Variants in ABL1 observed in about 807,000 individuals in gnomAD.
The protein encoded by ABL1 is tyrosine-protein kinase ABL1.
A neutral mutation model predicts 94.7 loss-of-function variants in ABL1; 11 were observed. That is an observed-to-expected ratio of 0.12 (90% CI 0.07 to 0.19). ABL1 has a LOEUF of 0.19. ABL1 is among the 10% of genes least tolerant of loss of function. ABL1 has a pLI of 1.00. For missense variants in ABL1, 1,082 were observed against 1,489.4 expected (o/e 0.73, Z 4.50); for synonymous variants, 656 against 622.4 (o/e 1.05, Z -0.80).
chr9:130,742,305 A>T (rs1483840876), intron 1 of ABL1, among the ~76,000 whole-genome samples: 1 of 152,168 alleles, frequency 6.6e-6, no homozygotes, highest in Non-Finnish European at 1.5e-5. Flanking sequence ...CAATGCCCTT[A>T]CCCACATACT....
intron 1 of ABL1, among the ~76,000 whole-genome samples, chr9:130,848,345 GAAAAAAAA>G (rs34112720): frequency 2.9e-5 from 2 of 69,734 alleles, no homozygotes; most frequent in African/African-American, 1.1e-4. Context: ...TACTGAAAAT[GAAAAAAAA>G]AAAAAAAAAA....
At chr9:130,721,605 G>A (rs555254795) in intron 1 of ABL1, among the ~76,000 whole-genome samples, 1 of 152,184 alleles carries the variant, frequency 6.6e-6, no homozygotes, top group South Asian at 2.1e-4. Context: ...AGCTACTCAA[G>A]AGGCTAAAGT....
In ABL1 at chr9:130,853,616, T is replaced by C. The variant is rs553205408; in HGVS notation, c.80-448T>C. Among the ~76,000 whole-genome samples the C allele has an allele frequency of 1.2e-4, 19 of 152,088 alleles. No homozygotes were observed. In the East Asian group the frequency reaches 3.3e-3, roughly 26 times the overall value. ...GTCTAATGGAGACAGGGTTTCACCA[T>C]GTTGGTCAAGTTGGTCTCAAACTCC... On this transcript the variant is annotated intron_variant, in intron 1 of 10. Transcript: ENST00000318560.
chr9:130,850,402 C>A (rs1830837574), intron 1 of ABL1, among the ~76,000 whole-genome samples: 1 of 152,182 alleles, frequency 6.6e-6, no homozygotes, highest in South Asian at 2.1e-4. Context: ...TCTAAGTTCT[C>A]CCTCCATCTG....
At position 130,814,201 on chromosome 9, in the gene ABL1, C is replaced by T. The variant is rs1322526583; in HGVS notation, c.137-39863C>T. Among the ~76,000 whole-genome samples the T allele has an allele frequency of 2.6e-5, 4 of 151,816 alleles. No individual in the cohort carries two copies. The highest frequency in any genetic ancestry group is 1.3e-4 in the Admixed American group (2 of 15,228). ...ACTCAGGAGGCTGAGGCAGGAGAAT[C>T]GCTTTAACCAGGGAGTCGGAGGTTG... On this transcript the variant is annotated intron_variant, in intron 1 of 10. Transcript: ENST00000372348. The surrounding 1 kb of genome is among the most constrained non-coding windows in gnomAD (Gnocchi z 4.4).
intron 1 of ABL1, among the ~76,000 whole-genome samples, chr9:130,753,804 AT>A (rs1832000602): frequency 6.6e-6 from 1 of 152,132 alleles, no homozygotes; most frequent in African/African-American, 2.4e-5. Context: ...TACATAGTAG[AT>A]TTTCAATAAA....
chr9:130,878,675 A>AT, intron 8 of ABL1, 108 bp downstream of exon 8: 2 of 1,352,314 alleles, frequency 1.5e-6, no homozygotes, highest in Non-Finnish European at 2.0e-6. Context: ...AGCTCTCTCC[A>AT]TTCCAGTTCT....
intron 1 of ABL1, among the ~76,000 whole-genome samples, chr9:130,735,927 G>A (rs1180370116): frequency 1.7e-5 from 2 of 118,916 alleles, no homozygotes; most frequent in African/African-American, 7.0e-5. Flanking sequence ...GTGTATGCAT[G>A]TGTGTGCATA....
At chr9:130,782,022 T>C (rs1220214947) in intron 1 of ABL1, among the ~76,000 whole-genome samples, 1 of 152,170 alleles carries the variant, frequency 6.6e-6, no homozygotes, top group Non-Finnish European at 1.5e-5. Context: ...GATTAGTACT[T>C]TTCCTTATTG....
At chr9:130,726,015 A>G (rs2132683663) in intron 1 of ABL1, among the ~76,000 whole-genome samples, 1 of 150,384 alleles carries the variant, frequency 6.6e-6, no homozygotes, top group Admixed American at 6.6e-5. Context: ...CACCTGGCTA[A>G]TTTAAAAAAA....
intron 1 of ABL1, among the ~76,000 whole-genome samples, chr9:130,724,584 C>T (rs919077060): frequency 2.6e-5 from 4 of 151,436 alleles, no homozygotes; most frequent in Admixed American, 2.0e-4. Context: ...CCAAGATGGG[C>T]GGATCACTTG....
intron 1 of ABL1, among the ~76,000 whole-genome samples, chr9:130,748,275 G>A (rs1005541502): frequency 1.3e-5 from 2 of 152,116 alleles, no homozygotes; most frequent in Non-Finnish European, 2.9e-5. Context: ...AGCAGATCAC[G>A]CCTTTGTCGT....
intron 1 of ABL1, among the ~76,000 whole-genome samples, chr9:130,842,066 C>G (rs1396093757): frequency 7.5e-6 from 1 of 133,780 alleles, no homozygotes. Flanking sequence ...GGAAGGAAGA[C>G]TGAGAGAAGG....
At chr9:130,764,476 G>C (rs912000162) in intron 1 of ABL1, among the ~76,000 whole-genome samples, 23 of 152,254 alleles carry the variant, frequency 1.5e-4, no homozygotes, top group Middle Eastern at 3.4e-3. Context: ...TTGTAACAAT[G>C]TGTTTAGCTT....
chr9:130,831,975 A>G (rs2314342), upstream of ABL1, among the ~76,000 whole-genome samples: 32,090 of 152,044 alleles, frequency 0.21, 4,074 homozygotes, highest in African/African-American at 0.36. Context: ...CCAGCCCATT[A>G]CACATATTCT....
chr9:130,825,349 T>G (rs1303535654), intron 1 of ABL1, among the ~76,000 whole-genome samples: 1 of 152,210 alleles, frequency 6.6e-6, no homozygotes, highest in East Asian at 1.9e-4. Flanking sequence ...CTCCTAGGCC[T>G]GCTCTGCTGC....
chr9:130,732,015 A>C (rs1217180875), intron 1 of ABL1, among the ~76,000 whole-genome samples: 6 of 148,872 alleles, frequency 4.0e-5, no homozygotes, highest in African/African-American at 1.5e-4. Context: ...ACCTTTCTCT[A>C]TTCTTTTTTT....
exon 1 of ABL1, among the ~76,000 whole-genome samples, chr9:130,713,217 T>TG (rs1482893012): frequency 6.6e-6 from 1 of 150,986 alleles, no homozygotes; most frequent in Non-Finnish European, 1.5e-5. Context: ...AGGGCGGTGG[T>TG]GGTGTCAGCG....
chr9:130,738,119 T>C (rs1030370578), intron 1 of ABL1, among the ~76,000 whole-genome samples: 7 of 152,118 alleles, frequency 4.6e-5, no homozygotes, highest in African/African-American at 1.7e-4. Flanking sequence ...CATGAGCCAC[T>C]GCAGTGTCCT....
Sources: allele counts gnomAD v4.1 joint callset (sites outside exome capture counted in the v4.1 genomes callset), GRCh38; gene constraint gnomAD v4.1.1; non-coding constraint Gnocchi (gnomAD v3.1); transcripts MANE v1.5; gene names NCBI Gene and HGNC (gene_info 2026-07-23, HGNC 2026-07-21).